Variants in SLC6A4 observed in about 807,000 individuals in gnomAD.
SLC6A4 encodes solute carrier family 6 member 4, also known as sodium-dependent serotonin transporter.
Under a neutral mutation model 73.4 loss-of-function variants are expected in SLC6A4, and 22 were observed. That is an observed-to-expected ratio of 0.30 (90% confidence interval 0.21 to 0.43). SLC6A4 has a LOEUF of 0.43. Among genes scored for constraint, SLC6A4 ranks in the 20% least tolerant of loss-of-function variants. The pLI is 1.00. For synonymous variants in SLC6A4, 270 were observed against 315.5 expected (o/e 0.86, Z 1.53); for missense variants, 593 against 808.5 (o/e 0.73, Z 3.23).
chr17:30,215,766 C>G, intron 7 of SLC6A4, 52 bp from the exon 8 acceptor site: 1 of 1,518,340 alleles, frequency 6.6e-7, no homozygotes, highest in South Asian at 1.1e-5. Flanking sequence ...CACAGGCTTA[C>G]CCTGGCACCA....
At chr17:30,207,647 G>T in intron 13 of SLC6A4, 85 bp downstream of exon 13, 1 of 903,042 alleles carries the variant, frequency 1.1e-6, no homozygotes, top group Non-Finnish European at 1.8e-6. Flanking sequence ...ATGAGCCACC[G>T]TGCCCAGCCA....
chr17:30,218,106 AC>A lies in SLC6A4; in HGVS notation c.698+11del. ...CCCCTAACAGGCCAACCCCTCACTT[AC>A]GTGCACTTACGTGTAAAATTCTTCA... On this transcript the variant is annotated intron_variant, in intron 5 of 14. Transcript: ENST00000650711. 4 of 1,611,364 alleles carry A rather than the reference AC, an allele frequency of 2.5e-6. No homozygotes were observed. Among genetic ancestry groups the A allele is most frequent in the East Asian group, 2.2e-5 (1 of 44,862 alleles).
intron 3 of SLC6A4, among the ~76,000 whole-genome samples, chr17:30,221,395 C>T (rs889693220): frequency 8.0e-5 from 10 of 125,318 alleles, no homozygotes; most frequent in Non-Finnish European, 1.7e-4. Context: ...ACAGCCCATC[C>T]CAGGTCACAG....
intron 13 of SLC6A4, among the ~76,000 whole-genome samples, chr17:30,205,762 CAG>C (rs1401367076): frequency 6.6e-6 from 1 of 152,108 alleles, no homozygotes; most frequent in Non-Finnish European, 1.5e-5. Flanking sequence ...TTCTGGGGTA[CAG>C]AGAGACACAT....
intron 14 of SLC6A4, among the ~76,000 whole-genome samples, chr17:30,199,098 A>T (rs1256928521): frequency 6.6e-6 from 1 of 152,244 alleles, no homozygotes; most frequent in South Asian, 2.1e-4. Context: ...AAACTGTAAA[A>T]GATGCGATTA....
At chr17:30,210,375 C>T (rs897576307) in intron 11 of SLC6A4, 140 bp downstream of exon 11, 1 of 851,248 alleles carries the variant, frequency 1.2e-6, no homozygotes, top group Non-Finnish European at 1.7e-6. Context: ...GATGACAAAC[C>T]TTTTAATGGG....
At chr17:30,227,213 C>T (rs2143016164) in intron 1 of SLC6A4, among the ~76,000 whole-genome samples, 1 of 152,358 alleles carries the variant, frequency 6.6e-6, no homozygotes, top group Non-Finnish European at 1.5e-5. Context: ...ACGTTTGCAT[C>T]TGCTGAAGGC....
intron 1 of SLC6A4, among the ~76,000 whole-genome samples, chr17:30,230,093 GA>G (rs1465424923): frequency 7.3e-5 from 9 of 122,894 alleles, no homozygotes; most frequent in South Asian, 2.3e-4. Flanking sequence ...AGAAGAAGAA[GA>G]AGAGGAGGAA....
intron 8 of SLC6A4, among the ~76,000 whole-genome samples, chr17:30,213,725 G>A (rs980221126): frequency 3.0e-5 from 4 of 132,360 alleles, no homozygotes; most frequent in Non-Finnish European, 6.5e-5. Context: ...GTCTAAAGAT[G>A]ATGGGTGACA....
At chr17:30,204,912 G>C (rs1165797709) in intron 13 of SLC6A4, among the ~76,000 whole-genome samples, 1 of 152,134 alleles carries the variant, frequency 6.6e-6, no homozygotes, top group Non-Finnish European at 1.5e-5. Context: ...TGCATCAAGA[G>C]TGTACCCAGT....
intron 4 of SLC6A4, 47 bp downstream of exon 4, chr17:30,218,750 C>A (rs1303370905): frequency 3.7e-6 from 6 of 1,607,950 alleles, no homozygotes; most frequent in Non-Finnish European, 4.3e-6. Context: ...ATGGAAATCC[C>A]TTCCTGAGAG....
At chr17:30,224,321 C>A (rs542512546) in intron 1 of SLC6A4, among the ~76,000 whole-genome samples, 2 of 152,132 alleles carry the variant, frequency 1.3e-5, no homozygotes, top group Non-Finnish European at 2.9e-5. Context: ...CGGGTTCAAG[C>A]GATTCTTGTG....
At chr17:30,217,405 G>A (rs1349039179) in intron 5 of SLC6A4, 101 bp from the exon 6 acceptor site, 11 of 1,176,076 alleles carry the variant, frequency 9.4e-6, no homozygotes, top group South Asian at 4.5e-5. Context: ...AAATGGACAC[G>A]GTGCTGCTAG....
At chr17:30,200,212 C>T (rs1567814369) in intron 14 of SLC6A4, among the ~76,000 whole-genome samples, 2 of 152,238 alleles carry the variant, frequency 1.3e-5, no homozygotes, top group Admixed American at 6.5e-5. Flanking sequence ...TGGGCTGCTG[C>T]CCTGTTGGTG....
intron 4 of SLC6A4, 28 bp from the exon 5 acceptor site, chr17:30,218,365 G>C: frequency 1.8e-5 from 29 of 1,583,186 alleles, no homozygotes; most frequent in Non-Finnish European, 2.5e-5. Flanking sequence ...TGGAGAGACA[G>C]AGGCCGAGTT....
At chr17:30,215,038 T>A (rs1353154876) in intron 8 of SLC6A4, among the ~76,000 whole-genome samples, 1 of 151,402 alleles carries the variant, frequency 6.6e-6, no homozygotes, top group Non-Finnish European at 1.5e-5. Flanking sequence ...TTTCTTTCTT[T>A]CTTTCTTTAT....
intron 13 of SLC6A4, 51 bp from the exon 14 acceptor site, chr17:30,203,390 G>T: frequency 6.7e-7 from 1 of 1,485,442 alleles, no homozygotes; most frequent in Non-Finnish European, 9.3e-7. Flanking sequence ...TATCCACTCA[G>T]ATAGAGATGT....
In SLC6A4 at chr17:30,222,920, GGAGAA is replaced by G; in HGVS notation, c.-220-10_-220-6del. On this transcript the variant is annotated splice_polypyrimidine_tract_variant and splice_region_variant and intron_variant, in intron 1 of 14. Coordinates refer to ENST00000650711, the MANE Select transcript of SLC6A4 (RefSeq NM_001045.6). ...GTCGCCTTGCCTCCAGGAGACCTAGGGAGAAGAGTGTGCAGGTTACTGATGCTGGG... is the reference window on the plus strand; with the variant it reads ...GTCGCCTTGCCTCCAGGAGACCTAGGGAGTGTGCAGGTTACTGATGCTGGG... The G allele has an allele frequency of 9.8e-7, 1 of 1,017,118 alleles. No individual in the cohort carries two copies. The highest frequency in any genetic ancestry group is 1.3e-5 in the South Asian group (1 of 75,324). 63.0% of individuals were successfully genotyped at this position (1,017,118 alleles called of 1,614,324 possible).
intron 13 of SLC6A4, chr17:30,203,563 C>T: frequency 3.8e-6 from 2 of 530,386 alleles, no homozygotes; most frequent in Non-Finnish European, 6.8e-6. Flanking sequence ...TCCTCCCCAG[C>T]CCTCACTTCC....
Sources: allele counts gnomAD v4.1 joint callset (sites outside exome capture counted in the v4.1 genomes callset), GRCh38; gene constraint gnomAD v4.1.1; transcripts MANE v1.5; gene names NCBI Gene and HGNC (gene_info 2026-07-23, HGNC 2026-07-21).